NRG1: variants seen among roughly 807,000 people sequenced by gnomAD.
The protein encoded by NRG1 is pro-neuregulin-1, membrane-bound isoform.
NRG1 carries 18 observed loss-of-function variants against 63.8 expected under a neutral mutation model. The ratio of observed to expected loss-of-function variants is 0.28; its 90% CI spans 0.19 to 0.42. The LOEUF (loss-of-function observed/expected upper bound fraction) is 0.42. Among genes scored for constraint, NRG1 ranks in the 10% least tolerant of loss-of-function variants. The probability of loss-of-function intolerance (pLI) is 1.00; values close to 1 mark genes in which losing one functional copy is unlikely to be tolerated. For missense variants in NRG1, 762 were observed against 814.7 expected (o/e 0.94, Z 0.79); for synonymous variants, 302 against 301.3 (o/e 1.00, Z -0.02).
At chr8:31,807,688 T>G (rs1822421961) in intron 1 of NRG1, among the ~76,000 whole-genome samples, 1 of 152,180 alleles carries the variant, frequency 6.6e-6, no homozygotes, top group African/African-American at 2.4e-5. Flanking sequence ...TTTCTAGCAT[T>G]TGTCTTTCTT....
chr8:32,044,939 A>G (rs1409309180), intron 1 of NRG1, among the ~76,000 whole-genome samples: 3 of 140,526 alleles, frequency 2.1e-5, no homozygotes, highest in Non-Finnish European at 3.2e-5. Flanking sequence ...AAACACACAC[A>G]CACAAAGCAA....
At position 32,101,286 on chromosome 8, in the gene NRG1, G is replaced by T. The variant is rs529652852; in HGVS notation, c.37+461855G>T. ...ACTTTCCCCAGGTTTCAGTACCTGG[G>T]GCTCACAATCTCAGTGGAAGAGTTT... On this transcript the variant is annotated intron_variant, in intron 1 of 10. Coordinates refer to the NRG1 transcript ENST00000519301. Among the ~76,000 whole-genome samples the T allele has an allele frequency of 6.3e-4, 96 of 152,066 alleles. 1 individual carries two copies. The highest frequency in any genetic ancestry group is 2.2e-3 in the African/African-American group (91 of 41,476).
chr8:32,661,375 C>T (rs765193992), intron 5 of NRG1, among the ~76,000 whole-genome samples: 17 of 152,106 alleles, frequency 1.1e-4, no homozygotes, highest in Non-Finnish European at 2.1e-4. Context: ...TAAATTAATG[C>T]GATGATGGGT....
At chr8:31,791,173 C>G (rs1217031927) in intron 1 of NRG1, among the ~76,000 whole-genome samples, 4 of 147,554 alleles carry the variant, frequency 2.7e-5, no homozygotes, top group African/African-American at 1.0e-4. Context: ...CACATCACTG[C>G]ACTCCAGCTG....
chr8:31,834,330 C>CACACACACACACACACACAT lies in NRG1; in HGVS notation c.37+194899_37+194900insACACACACACACACACACAT, dbSNP rs34893626. On this transcript the variant is annotated intron_variant, in intron 1 of 10. Coordinates refer to the NRG1 transcript ENST00000519301. ...GCGCACACACACACACACACACACACGCACACCAATTTGTTTAAAATAAAA... is the reference window on the plus strand; with the variant it reads ...GCGCACACACACACACACACACACACACACACACACACACACACATGCACACCAATTTGTTTAAAATAAAA... Among the ~76,000 whole-genome samples, 5 of 151,484 alleles carry CACACACACACACACACACAT rather than the reference C, an allele frequency of 3.3e-5. No homozygotes were observed. In the South Asian group the frequency reaches 6.3e-4, roughly 19 times the overall value.
At chr8:32,080,062 C>A (rs1238176022) in intron 1 of NRG1, among the ~76,000 whole-genome samples, 2 of 152,110 alleles carry the variant, frequency 1.3e-5, no homozygotes, top group Non-Finnish European at 2.9e-5. Context: ...GACAACAATA[C>A]TTAAATCTCT....
At chr8:32,756,562 G>A (rs1279930854) in intron 9 of NRG1, 33 bp downstream of exon 9, 1 of 1,591,082 alleles carries the variant, frequency 6.3e-7, no homozygotes. Context: ...AAAAAACTGA[G>A]CCTCTCTCCT....
Position 32,151,411 on chromosome 8 carries a change from T to C in NRG1, c.38-444417T>C, listed in dbSNP as rs1223380492. Among the ~76,000 whole-genome samples, 7 of 152,110 alleles carry C rather than the reference T, an allele frequency of 4.6e-5. No homozygotes were observed. In the South Asian group the frequency reaches 1.2e-3, roughly 27 times the overall value. On this transcript the variant is annotated intron_variant, in intron 1 of 10. Transcript: ENST00000519301. ...AAGTAAAATAAAATAACCTACCAGG[T>C]AGCAGAGCTCTTAGCAAAGGATTCT...
At chr8:32,304,410 G>A (rs1330105219) in intron 1 of NRG1, among the ~76,000 whole-genome samples, 2 of 152,082 alleles carry the variant, frequency 1.3e-5, no homozygotes, top group Non-Finnish European at 2.9e-5. Flanking sequence ...CTCCAATTGT[G>A]TTTTGAAATA....
At position 32,393,007 on chromosome 8, in the gene NRG1, G is replaced by A. The variant is rs1026080190; in HGVS notation, c.38-202821G>A. 2.3e-4 allele frequency among the ~76,000 whole-genome samples: 35 copies of A among 151,928 alleles called. 1 individual carries two copies. The highest frequency in any genetic ancestry group is 6.3e-3 in the Middle Eastern group (2 of 316). On this transcript the variant is annotated intron_variant, in intron 1 of 10. Transcript: ENST00000519301. ...CCCTCACACTGACCACTTCATTACT[G>A]GTTGTTTTTACTGAGCATCTTTTCA...
chr8:31,976,302 T>C (rs1808162567), intron 1 of NRG1, among the ~76,000 whole-genome samples: 1 of 152,190 alleles, frequency 6.6e-6, no homozygotes, highest in East Asian at 1.9e-4. Context: ...TTTCCCCTAC[T>C]ATCTACCTTA....
intron 1 of NRG1, among the ~76,000 whole-genome samples, chr8:32,291,533 CT>C (rs757839225): frequency 0.011 from 1,051 of 98,016 alleles, 4 homozygotes; most frequent in African/African-American, 0.033. Flanking sequence ...TTTTTATCCA[CT>C]TTTTTTTTTT....
intron 1 of NRG1, among the ~76,000 whole-genome samples, chr8:32,064,592 C>A (rs186998937): frequency 3.4e-4 from 51 of 152,156 alleles, no homozygotes; most frequent in African/African-American, 1.2e-3. Flanking sequence ...TTATTAACAG[C>A]TTGGTAAGAA....
chr8:31,650,027 G>A (rs563156535), intron 1 of NRG1, among the ~76,000 whole-genome samples: 3 of 152,184 alleles, frequency 2.0e-5, no homozygotes, highest in African/African-American at 7.2e-5. Context: ...CATCCAGGCG[G>A]GAGTGCAGTG....
chr8:32,179,187 TAAAAAA>T (rs35411561), intron 1 of NRG1, among the ~76,000 whole-genome samples: 6 of 66,516 alleles, frequency 9.0e-5, no homozygotes, highest in Non-Finnish European at 1.3e-4. Flanking sequence ...CTCACAGTCA[TAAAAAA>T]AAAAAAAAAA....
intron 1 of NRG1, among the ~76,000 whole-genome samples, chr8:31,987,420 G>C (rs1342419535): frequency 1.4e-5 from 2 of 146,910 alleles, no homozygotes; most frequent in Admixed American, 1.4e-4. Context: ...CCATAAAAAA[G>C]AATGAAATCA....
chr8:31,724,375 C>A (rs1346857643), intron 1 of NRG1, among the ~76,000 whole-genome samples: 2 of 152,008 alleles, frequency 1.3e-5, no homozygotes, highest in Non-Finnish European at 1.5e-5. Flanking sequence ...GAAAGGAGTC[C>A]AAGGGAAAGA....
At chr8:31,879,581 TG>T (rs1830189683) in intron 1 of NRG1, among the ~76,000 whole-genome samples, 1 of 152,132 alleles carries the variant, frequency 6.6e-6, no homozygotes, top group South Asian at 2.1e-4. Flanking sequence ...ATGTGATTTT[TG>T]TGGGTCATGT....
intron 1 of NRG1, among the ~76,000 whole-genome samples, chr8:32,003,485 T>G (rs1813271104): frequency 6.6e-6 from 1 of 152,002 alleles, no homozygotes; most frequent in South Asian, 2.1e-4. Context: ...TTTGAGGAAC[T>G]TGTCCAGAGG....
Sources: allele counts gnomAD v4.1 joint callset (sites outside exome capture counted in the v4.1 genomes callset), GRCh38; gene constraint gnomAD v4.1.1; transcripts MANE v1.5; gene names NCBI Gene and HGNC (gene_info 2026-07-23, HGNC 2026-07-21).